Variants in IKZF1 observed in about 807,000 individuals in gnomAD.
IKZF1 encodes the protein IKAROS family zinc finger 1.
A neutral mutation model predicts 51.7 loss-of-function variants in IKZF1; 10 were observed. The ratio of observed to expected loss-of-function variants is 0.19; its 90% CI spans 0.12 to 0.33. IKZF1 has a LOEUF of 0.33. Ranked by LOEUF, IKZF1 falls within the 10% of genes least tolerant of loss-of-function variation. The pLI, the probability that IKZF1 is intolerant of heterozygous loss-of-function variation, is 1.00. For missense variants in IKZF1, 484 were observed against 707.5 expected (o/e 0.68, Z 3.58); for synonymous variants, 280 against 282.3 (o/e 0.99, Z 0.08).
rs759218146 is a variant in IKZF1 at position 50,399,994 on chromosome 7, C to G, written c.927C>G (p.His309Gln). ...YEKENEMMKS[H>Q]VMDQAINNAI... ...AGGAGAACGAAATGATGAAGTCCCA[C>G]GTGATGGACCAAGCCATCAACAACG... The change falls in exon 8 of 8, where the codon CAC becomes CAG. Residue 309 changes from histidine (H) to glutamine (Q), a missense_variant. Coordinates refer to ENST00000331340, the MANE Select transcript of IKZF1 (RefSeq NM_006060.6). 1.9e-6 allele frequency: 3 copies of G among 1,613,460 alleles called. No homozygotes were observed.
At chr7:50,352,344 T>C (rs992933210) in intron 3 of IKZF1, among the ~76,000 whole-genome samples, 2 of 152,212 alleles carry the variant, frequency 1.3e-5, no homozygotes, top group Non-Finnish European at 2.9e-5. Flanking sequence ...GGAATTACAA[T>C]AAGAAAGAAC....
At position 50,400,721 on chromosome 7, in the gene IKZF1, C is replaced by G. The variant is rs1817964672; in HGVS notation, c.*94C>G. On this transcript the variant is annotated 3_prime_UTR_variant, in exon 8 of 8. Coordinates refer to ENST00000331340, the MANE Select transcript of IKZF1 (RefSeq NM_006060.6). This position sits in a 1 kb window ranked among gnomAD's most constrained non-coding sequence, Gnocchi z 5.4. The stretch of plus-strand genomic sequence containing the variant: ...GCTCCCGCCAGCAGCATAGACTGGA[C>G]TGGACCAGACAATGTTGTGTTTGGA... 2 of 1,372,660 alleles carry G rather than the reference C, an allele frequency of 1.5e-6. No homozygotes were observed. The highest frequency in any genetic ancestry group is 2.6e-5 in the South Asian group (2 of 76,272). 85.0% of individuals were successfully genotyped at this position (1,372,660 alleles called of 1,614,324 possible).
intron 2 of IKZF1, among the ~76,000 whole-genome samples, chr7:50,326,691 TGTATA>T (rs1296390212): frequency 3.3e-5 from 5 of 152,368 alleles, no homozygotes; most frequent in African/African-American, 1.2e-4. Flanking sequence ...AATCCTACTT[TGTATA>T]GTATAAGCAA....
At chr7:50,373,020 G>A (rs1002655188) in intron 3 of IKZF1, among the ~76,000 whole-genome samples, 3 of 152,238 alleles carry the variant, frequency 2.0e-5, no homozygotes, top group African/African-American at 7.2e-5. Flanking sequence ...TGTCATTGAG[G>A]CTAACAAGGA....
intron 6 of IKZF1, among the ~76,000 whole-genome samples, chr7:50,390,681 C>G (rs992508695): frequency 6.6e-5 from 10 of 152,166 alleles, no homozygotes; most frequent in African/African-American, 2.4e-4. Context: ...GTAAATTTTA[C>G]TGGAATCTGG....
chr7:50,339,568 G>A (rs1377511784), intron 3 of IKZF1, among the ~76,000 whole-genome samples: 1 of 151,930 alleles, frequency 6.6e-6, no homozygotes, highest in Non-Finnish European at 1.5e-5. Flanking sequence ...GGCCAATATG[G>A]TGAAACCCCA....
intron 3 of IKZF1, among the ~76,000 whole-genome samples, chr7:50,353,483 T>C (rs1490707815): frequency 6.6e-6 from 1 of 152,134 alleles, no homozygotes; most frequent in Non-Finnish European, 1.5e-5. Context: ...GAAGTTGCCC[T>C]CCTCCCTCTA....
rs935551807 is a variant in IKZF1 at position 50,404,089 on chromosome 7, G to A, written c.*3462G>A. ...GAAAAAAGAAGCACATAATGCTTTT[G>A]GTGCGATGGCACTCACTGTGAACAT... On this transcript the variant is annotated 3_prime_UTR_variant, in exon 8 of 8. Coordinates refer to ENST00000331340, the MANE Select transcript of IKZF1 (RefSeq NM_006060.6). 1 of 215,088 alleles carries A rather than the reference G, an allele frequency of 4.6e-6. No individual in the cohort carries two copies. The highest frequency in any genetic ancestry group is 2.3e-5 in the African/African-American group (1 of 44,322). 13.3% of individuals were successfully genotyped at this position (215,088 alleles called of 1,614,324 possible).
chr7:50,319,185 T>G, intron 2 of IKZF1, 84 bp downstream of exon 2: 2 of 1,145,566 alleles, frequency 1.7e-6, no homozygotes, highest in Non-Finnish European at 2.6e-6. Context: ...GGTATGCTCA[T>G]GGGGGAGGAA....
rs995328231 is a variant in IKZF1 at position 50,391,620 on chromosome 7, A to G, written c.716-109A>G. The G allele has an allele frequency of 4.8e-6, 7 of 1,461,714 alleles. No homozygotes were observed. In the African/African-American group the frequency reaches 8.4e-5, roughly 18 times the overall value. 90.5% of individuals were successfully genotyped at this position (1,461,714 alleles called of 1,614,324 possible). A position where few individuals can be genotyped will look rare whatever the true frequency, so the allele number is the denominator to read the frequency against. ...GGAAGATTAGAATTAATCTCTAGGA[A>G]GGGCCTGGCTCTTGTAGGCACTTAA... On this transcript the variant is annotated intron_variant, in intron 6 of 7. Coordinates refer to ENST00000331340, the MANE Select transcript of IKZF1 (RefSeq NM_006060.6).
intron 3 of IKZF1, among the ~76,000 whole-genome samples, chr7:50,365,119 T>C (rs1477929176): frequency 6.6e-6 from 1 of 152,198 alleles, no homozygotes; most frequent in African/African-American, 2.4e-5. Flanking sequence ...AAACCTCTAC[T>C]ACCCACCTGG....
chr7:50,335,323 GTA>G (rs1339149448), intron 3 of IKZF1, among the ~76,000 whole-genome samples: 1 of 146,900 alleles, frequency 6.8e-6, no homozygotes, highest in Non-Finnish European at 1.5e-5. Context: ...TATGTGGTGT[GTA>G]TGTGTGTATG....
chr7:50,356,653 G>A (rs1803495496), intron 3 of IKZF1, among the ~76,000 whole-genome samples: 1 of 152,162 alleles, frequency 6.6e-6, no homozygotes, highest in South Asian at 2.1e-4. Flanking sequence ...TTCCCTTTCT[G>A]TCACTTCTCC....
intron 3 of IKZF1, among the ~76,000 whole-genome samples, chr7:50,353,566 G>A (rs920421132): frequency 6.6e-6 from 1 of 152,242 alleles, no homozygotes; most frequent in African/African-American, 2.4e-5. Flanking sequence ...CTCCAGTGAT[G>A]CAGGAGAGGA....
chr7:50,349,353 T>C (rs926755107), intron 3 of IKZF1, among the ~76,000 whole-genome samples: 1 of 152,162 alleles, frequency 6.6e-6, no homozygotes, highest in African/African-American at 2.4e-5. Flanking sequence ...GAATAAGAAA[T>C]GGCCTGAGTC....
intron 6 of IKZF1, chr7:50,388,618 T>G (rs1180944034): frequency 6.6e-6 from 1 of 152,252 alleles, no homozygotes; most frequent in Non-Finnish European, 1.5e-5. Context: ...GTCATTTGGC[T>G]TCTTTCAAAA....
Position 50,400,645 on chromosome 7 carries a change from AC to A in IKZF1, c.*22del. The A allele has an allele frequency of 6.4e-7, 1 of 1,565,930 alleles. No individual in the cohort carries two copies. On this transcript the variant is annotated 3_prime_UTR_variant, in exon 8 of 8. Coordinates refer to ENST00000331340, the MANE Select transcript of IKZF1 (RefSeq NM_006060.6). The surrounding 1 kb of genome is among the most constrained non-coding windows in gnomAD (Gnocchi z 5.4). ...TGAGCTAAAGCCCTCCCGCGCCCCC[AC>A]CCCAGACCCCGAGCCACCCCAGGAA...
intron 1 of IKZF1, among the ~76,000 whole-genome samples, chr7:50,317,245 A>G (rs913376014): frequency 6.6e-6 from 1 of 152,362 alleles, no homozygotes; most frequent in South Asian, 2.1e-4. Context: ...TCACCAATCA[A>G]TACAGAGGTA....
At chr7:50,319,512 C>T (rs1228706152) in intron 2 of IKZF1, among the ~76,000 whole-genome samples, 1 of 152,166 alleles carries the variant, frequency 6.6e-6, no homozygotes, top group Non-Finnish European at 1.5e-5. Flanking sequence ...CACAACATTG[C>T]TCCCCTTTGC....
Sources: gnomAD v4.1 joint callset for allele counts (sites outside exome capture counted in the v4.1 genomes callset) on GRCh38, gnomAD v4.1.1 for gene constraint, Gnocchi (gnomAD v3.1) non-coding constraint, MANE v1.5 for transcripts, NCBI Gene and HGNC (gene_info 2026-07-23, HGNC 2026-07-21) for gene names.